TPO: variants seen among roughly 807,000 people sequenced by gnomAD.
TPO encodes the protein thyroid peroxidase.
Under a neutral mutation model 96.9 loss-of-function variants are expected in TPO, and 78 were observed. The ratio of observed to expected loss-of-function variants is 0.81; its 90% confidence interval spans 0.67 to 0.97. TPO has a LOEUF of 0.97. Among genes scored for constraint, TPO ranks in the 50% least tolerant of loss-of-function variants. TPO has a pLI of 0.00. For missense variants in TPO, 1,252 were observed against 1,274.8 expected, an observed-to-expected ratio of 0.98 and a Z score of 0.27; for synonymous variants, 547 against 538.0, an observed-to-expected ratio of 1.02 and a Z score of -0.23.
chr2:1,450,791 A>C (rs1158823246), intron 5 of TPO, among the ~76,000 whole-genome samples: 1 of 152,242 alleles, frequency 6.6e-6, no homozygotes, highest in African/African-American at 2.4e-5. Context: ...CATTATTTTT[A>C]ATTGAGTAAT....
At chr2:1,505,299 T>C (rs999993770) in intron 14 of TPO, among the ~76,000 whole-genome samples, 2 of 144,450 alleles carry the variant, frequency 1.4e-5, no homozygotes, top group East Asian at 4.2e-4. Flanking sequence ...CTATCCTATA[T>C]CAGGCACATC....
intron 2 of TPO, among the ~76,000 whole-genome samples, chr2:1,416,596 G>GT (rs1223860037): frequency 6.6e-6 from 1 of 152,206 alleles, no homozygotes; most frequent in African/African-American, 2.4e-5. Context: ...CATCACGAGT[G>GT]CACAGGACAG....
intron 5 of TPO, among the ~76,000 whole-genome samples, chr2:1,447,046 C>T (rs1007628256): frequency 3.3e-5 from 5 of 151,992 alleles, no homozygotes; most frequent in African/African-American, 9.7e-5. Context: ...CTAAGTCTTG[C>T]GATCATCTGA....
At chr2:1,496,526 C>T in intron 12 of TPO, 69 bp from the exon 13 acceptor site, 1 of 1,605,100 alleles carries the variant, frequency 6.2e-7, no homozygotes, top group East Asian at 2.2e-5. Context: ...GCACCCGTGA[C>T]AGGGACGTTG....
chr2:1,517,824 C>G (rs1298414097), intron 15 of TPO, among the ~76,000 whole-genome samples: 1 of 152,224 alleles, frequency 6.6e-6, no homozygotes, highest in Admixed American at 6.5e-5. Flanking sequence ...TTAAAAATAA[C>G]AGCAAACACT....
At chr2:1,424,710 A>C (rs1664143078) in intron 3 of TPO, among the ~76,000 whole-genome samples, 1 of 152,196 alleles carries the variant, frequency 6.6e-6, no homozygotes, top group Non-Finnish European at 1.5e-5. Context: ...TTCCTTAAGA[A>C]ATACTGTTTC....
chr2:1,394,305 A>T (rs1392321375), intron 1 of TPO, among the ~76,000 whole-genome samples: 1 of 152,202 alleles, frequency 6.6e-6, no homozygotes, highest in Non-Finnish European at 1.5e-5. Flanking sequence ...GGAACGTATA[A>T]AGGGGAAATT....
intron 3 of TPO, among the ~76,000 whole-genome samples, chr2:1,432,914 G>A (rs1414488246): frequency 6.6e-6 from 1 of 152,106 alleles, no homozygotes; most frequent in African/African-American, 2.4e-5. Context: ...ATTCTATGAG[G>A]GTGTGTTTAG....
At chr2:1,455,931 C>A in intron 6 of TPO, 145 bp from the exon 7 acceptor site, 1 of 795,520 alleles carries the variant, frequency 1.3e-6, no homozygotes, top group Non-Finnish European at 2.1e-6. Context: ...GCTCCTCCTG[C>A]CCTAACTCCA....
intron 15 of TPO, among the ~76,000 whole-genome samples, chr2:1,538,362 A>G (rs1680322116): frequency 6.6e-6 from 1 of 152,214 alleles, no homozygotes; most frequent in African/African-American, 2.4e-5. Context: ...GTGTTCATGA[A>G]GAAGATCGAA....
At chr2:1,527,735 ATTT>A in intron 15 of TPO, among the ~76,000 whole-genome samples, 1 of 131,126 alleles carries the variant, frequency 7.6e-6, no homozygotes, top group African/African-American at 3.0e-5. Flanking sequence ...ACCTCACCAA[ATTT>A]CTCCCACTCT....
At chr2:1,515,293 G>A (rs923553407) in intron 14 of TPO, among the ~76,000 whole-genome samples, 9 of 152,196 alleles carry the variant, frequency 5.9e-5, no homozygotes, top group African/African-American at 1.7e-4. Context: ...CAGGAGGAGC[G>A]GCATCCCAGG....
intron 7 of TPO, among the ~76,000 whole-genome samples, chr2:1,472,856 A>AAAG: frequency 1.4e-5 from 2 of 141,402 alleles, no homozygotes; most frequent in Non-Finnish European, 3.0e-5. Flanking sequence ...AAAAAAGGAG[A>AAAG]GAGAGAGATA....
intron 5 of TPO, among the ~76,000 whole-genome samples, chr2:1,446,194 A>C (rs7602332): frequency 0.85 from 129,857 of 152,140 alleles, 55,704 homozygotes; most frequent in South Asian, 0.93. Context: ...TTTGACATCT[A>C]CCCAGAGGTG....
intron 15 of TPO, among the ~76,000 whole-genome samples, chr2:1,527,716 C>T (rs1301465305): frequency 6.8e-6 from 1 of 147,162 alleles, no homozygotes; most frequent in African/African-American, 2.5e-5. Flanking sequence ...AATCCCGCCA[C>T]TGTGTGCAAC....
intron 4 of TPO, among the ~76,000 whole-genome samples, chr2:1,435,148 T>G (rs1026541600): frequency 2.0e-5 from 3 of 152,196 alleles, no homozygotes; most frequent in African/African-American, 7.2e-5. Flanking sequence ...TTAGCCAGGA[T>G]GGTCTCGATC....
chr2:1,541,181 A>T, intron 16 of TPO: 1 of 1,174,056 alleles, frequency 8.5e-7, no homozygotes, highest in South Asian at 1.7e-5. Context: ...CACTTGTGTA[A>T]GTCTGACTTT....
intron 15 of TPO, among the ~76,000 whole-genome samples, chr2:1,525,023 A>AC (rs1676110945): frequency 1.3e-5 from 1 of 75,262 alleles, no homozygotes; most frequent in Non-Finnish European, 2.6e-5. Flanking sequence ...ACCTCGCCAA[A>AC]TCCCCCAACT....
intron 10 of TPO, among the ~76,000 whole-genome samples, chr2:1,493,468 G>C (rs1197143281): frequency 2.1e-5 from 3 of 143,558 alleles, no homozygotes; most frequent in Non-Finnish European, 4.7e-5. Context: ...AGTGTCACAG[G>C]GTGGGACAGG....
Sources: gnomAD v4.1 joint callset for allele counts (sites outside exome capture counted in the v4.1 genomes callset) on GRCh38, gnomAD v4.1.1 for gene constraint, MANE v1.5 for transcripts, NCBI Gene and HGNC (gene_info 2026-07-23, HGNC 2026-07-21) for gene names.